Variants in CSMD2 observed in about 807,000 individuals in gnomAD.
CSMD2 encodes the protein CUB and Sushi multiple domains 2, also known as CUB and sushi domain-containing protein 2.
In CSMD2, 130 loss-of-function variants were observed where a neutral mutation model predicts 398.5. That is an observed-to-expected ratio of 0.33 (90% confidence interval 0.28 to 0.38). CSMD2 has a LOEUF of 0.38. CSMD2 is among the 10% of genes least tolerant of loss of function. CSMD2 has a pLI of 1.00. For synonymous variants in CSMD2, 1,828 were observed against 1,908.5 expected (o/e 0.96, Z 1.10); for missense variants, 3,829 against 4,764.9 (o/e 0.80, Z 5.78).
At chr1:33,987,049 T>C (rs1646383108) in intron 3 of CSMD2, among the ~76,000 whole-genome samples, 1 of 152,022 alleles carries the variant, frequency 6.6e-6, no homozygotes, top group Non-Finnish European at 1.5e-5. Flanking sequence ...AGCCAGGCAT[T>C]GGAACCCCTC....
At chr1:33,923,304 C>T (rs967586379) in intron 4 of CSMD2, among the ~76,000 whole-genome samples, 8 of 152,010 alleles carry the variant, frequency 5.3e-5, no homozygotes, top group African/African-American at 1.7e-4. Context: ...TGAGTCATCT[C>T]GAGAGCTGAT....
intron 1 of CSMD2, among the ~76,000 whole-genome samples, chr1:34,102,934 T>C (rs1427401080): frequency 6.6e-6 from 1 of 152,190 alleles, no homozygotes; most frequent in Non-Finnish European, 1.5e-5. Context: ...CCCTCCCCAG[T>C]AAAATACAAT....
chr1:33,701,735 G>C (rs1645618684), intron 22 of CSMD2, among the ~76,000 whole-genome samples: 1 of 152,226 alleles, frequency 6.6e-6, no homozygotes. Context: ...CTGATAGACT[G>C]AGTGAATTCT....
intron 56 of CSMD2, among the ~76,000 whole-genome samples, chr1:33,548,590 G>C (rs1038612371): frequency 1.3e-5 from 2 of 152,196 alleles, no homozygotes; most frequent in African/African-American, 4.8e-5. Flanking sequence ...TCATAGGACT[G>C]GCAGGAGATG....
At chr1:33,542,123 T>C (rs1006551221) in intron 58 of CSMD2, among the ~76,000 whole-genome samples, 8 of 152,196 alleles carry the variant, frequency 5.3e-5, no homozygotes, top group Non-Finnish European at 1.2e-4. Flanking sequence ...GAGAATCTTG[T>C]CACATTTCCT....
At chr1:33,583,343 C>T (rs531848326) in intron 47 of CSMD2, among the ~76,000 whole-genome samples, 37 of 152,198 alleles carry the variant, frequency 2.4e-4, no homozygotes, top group African/African-American at 8.4e-4. Flanking sequence ...GAAGCACACT[C>T]TTCACTTGGG....
intron 33 of CSMD2, among the ~76,000 whole-genome samples, chr1:33,626,053 C>A (rs984390794): frequency 3.9e-5 from 6 of 152,224 alleles, no homozygotes; most frequent in Non-Finnish European, 7.3e-5. Flanking sequence ...TGGAGCCTAG[C>A]TCGAAGGTGG....
chr1:34,087,412 G>C (rs1216718607), intron 2 of CSMD2, among the ~76,000 whole-genome samples: 2 of 151,696 alleles, frequency 1.3e-5, no homozygotes, highest in African/African-American at 2.4e-5. Flanking sequence ...ATAAGTGGGA[G>C]TTGAACAATG....
At chr1:33,817,093 T>C (rs1199519271) in intron 9 of CSMD2, among the ~76,000 whole-genome samples, 1 of 152,154 alleles carries the variant, frequency 6.6e-6, no homozygotes, top group African/African-American at 2.4e-5. Context: ...GAATAGTGAT[T>C]GCGATTAATT....
intron 25 of CSMD2, 81 bp from the exon 26 acceptor site, chr1:33,663,173 C>A: frequency 7.6e-6 from 9 of 1,189,966 alleles, no homozygotes; most frequent in South Asian, 1.3e-5. Flanking sequence ...CCTAAACCTA[C>A]GAAGACTGGC....
intron 1 of CSMD2, among the ~76,000 whole-genome samples, chr1:34,142,113 T>C (rs975855313): frequency 5.9e-5 from 9 of 152,120 alleles, no homozygotes; most frequent in African/African-American, 1.9e-4. Context: ...ACCCCATACA[T>C]GTTTGCTGCA....
intron 53 of CSMD2, among the ~76,000 whole-genome samples, chr1:33,565,145 GA>G (rs1658936544): frequency 6.6e-6 from 1 of 152,234 alleles, no homozygotes; most frequent in Non-Finnish European, 1.5e-5. Context: ...ATGAGAAAGA[GA>G]AGAGAGGAGC....
chr1:33,616,588 C>T (rs1052779084), intron 39 of CSMD2, among the ~76,000 whole-genome samples: 6 of 152,254 alleles, frequency 3.9e-5, no homozygotes, highest in African/African-American at 9.6e-5. Flanking sequence ...CAAGAAGTCA[C>T]GGGGGAAGCC....
intron 3 of CSMD2, among the ~76,000 whole-genome samples, chr1:33,969,834 C>T (rs1428193194): frequency 2.0e-5 from 3 of 151,950 alleles, no homozygotes; most frequent in Admixed American, 6.6e-5. Context: ...GAAATTCAGC[C>T]GGGCGTGGTG....
chr1:33,974,596 G>T (rs76015976), intron 3 of CSMD2, among the ~76,000 whole-genome samples: 2,073 of 152,332 alleles, frequency 0.014, 81 homozygotes, highest in East Asian at 0.13. Context: ...TGATGTCCCA[G>T]GGCTAGTCAG....
At chr1:33,992,004 A>C (rs911913132) in intron 3 of CSMD2, among the ~76,000 whole-genome samples, 2 of 152,206 alleles carry the variant, frequency 1.3e-5, no homozygotes, top group African/African-American at 4.8e-5. Context: ...CTAATCAGGA[A>C]AATGCAAATC....
At chr1:33,814,589 G>A (rs565726483) in intron 9 of CSMD2, among the ~76,000 whole-genome samples, 3 of 152,276 alleles carry the variant, frequency 2.0e-5, no homozygotes, top group Admixed American at 6.5e-5. Context: ...CTATCTGCAC[G>A]TGTACTCAAT....
At chr1:33,581,190 G>C (rs985431573) in intron 47 of CSMD2, among the ~76,000 whole-genome samples, 1 of 151,810 alleles carries the variant, frequency 6.6e-6, no homozygotes, top group Non-Finnish European at 1.5e-5. Context: ...GTTAATGGAA[G>C]AGCTGGTTTT....
At chr1:33,642,702 T>C (rs1409258986) in intron 29 of CSMD2, among the ~76,000 whole-genome samples, 1 of 152,200 alleles carries the variant, frequency 6.6e-6, no homozygotes. Context: ...TTAAGTTACT[T>C]AGGCTGTTAG....
Sources: allele counts gnomAD v4.1 joint callset (sites outside exome capture counted in the v4.1 genomes callset), GRCh38; gene constraint gnomAD v4.1.1; transcripts MANE v1.5; gene names NCBI Gene and HGNC (gene_info 2026-07-23, HGNC 2026-07-21).